VWA2: variants seen among roughly 807,000 people sequenced by gnomAD.
VWA2 encodes the protein von Willebrand factor A domain containing 2.
VWA2 carries 73 observed loss-of-function variants against 70.4 expected under a neutral mutation model. The observed-to-expected ratio is 1.04, with a 90% CI of 0.86 to 1.26. The LOEUF is 1.26. Ranked by LOEUF, VWA2 falls within the 50% of genes most tolerant of loss-of-function variation. The pLI is 0.00. For synonymous variants in VWA2, 407 were observed against 423.3 expected (o/e 0.96, Z 0.47); for missense variants, 1,011 against 998.5 (o/e 1.01, Z -0.17).
Position 114,239,277 on chromosome 10 carries a change from C to G in VWA2, c.-303C>G, listed in dbSNP as rs780640972. On this transcript the variant is annotated 5_prime_UTR_variant, in exon 1 of 14. Coordinates refer to ENST00000392982, the MANE Select transcript of VWA2 (RefSeq NM_001272046.2). ...GCACAGTGTTCGCGGCTGCACCGCT[C>G]GGAGGCTGGGTGACCCGCGTAGAAG... 1.3e-5 allele frequency: 2 copies of G among 152,322 alleles called. No individual in the cohort carries two copies. Among genetic ancestry groups the G allele is most frequent in the Admixed American group, 1.3e-4 (2 of 15,290 alleles). 9.4% of individuals were successfully genotyped at this position (152,322 alleles called of 1,614,324 possible). A position where few individuals can be genotyped will look rare whatever the true frequency, so the allele number is the denominator to read the frequency against.
At chr10:114,254,446 G>A (rs2037276066) in intron 3 of VWA2, among the ~76,000 whole-genome samples, 2 of 152,098 alleles carry the variant, frequency 1.3e-5, no homozygotes, top group Admixed American at 1.3e-4. Flanking sequence ...AGGTAACGGG[G>A]TGGCTACTTG....
At chr10:114,273,009 G>A in intron 6 of VWA2, 75 bp downstream of exon 6, 1 of 1,381,192 alleles carries the variant, frequency 7.2e-7, no homozygotes, top group South Asian at 1.5e-5. Context: ...TGGGAGGGAA[G>A]GGAGGGGACT....
chr10:114,258,548 A>T lies in VWA2; in HGVS notation c.262-2638A>T, dbSNP rs117413125. The stretch of plus-strand genomic sequence containing the variant: ...ATTAAACAAAATGCTTTAACTACTG[A>T]CTTAAGCTGCTTCCTTCTTGTTTTG... On this transcript the variant is annotated intron_variant, in intron 4 of 13. Coordinates refer to ENST00000392982, the MANE Select transcript of VWA2 (RefSeq NM_001272046.2). Among the ~76,000 whole-genome samples the T allele has an allele frequency of 2.0e-5, 3 of 152,322 alleles. No individual in the cohort carries two copies. The East Asian group carries it at 5.8e-4, about 29-fold the overall frequency.
chr10:114,255,037 A>C lies in VWA2; in HGVS notation c.250A>C (p.Ser84Arg). ...AITVCDGLDI[S>R]PERVRVGAFQ... ...CACAGTCTGTGACGGTCTGGACATC[A>C]GCCCCGAGAGGGTGAGTGCAAGTCT... Residue 84 changes from serine (S) to arginine (R), a missense_variant, in exon 4 of 14, where the codon AGC (serine) becomes CGC (arginine). Coordinates refer to ENST00000392982, the MANE Select transcript of VWA2 (RefSeq NM_001272046.2). The C allele has an allele frequency of 4.3e-6, 7 of 1,612,210 alleles. No individual in the cohort carries two copies. The highest frequency in any genetic ancestry group is 5.9e-6 in the Non-Finnish European group (7 of 1,179,896).
In VWA2 at chr10:114,293,830, A is replaced by G. The variant is rs1331869458; in HGVS notation, c.*2593A>G. On this transcript the variant is annotated 3_prime_UTR_variant, in exon 14 of 14. Transcript: ENST00000392982. ...TTGTCTCTTCCTTTCAAAGTTGTAT[A>G]CCACTTCTTTTTCTTGTCATTTTGC... is the stretch of plus-strand genomic sequence containing the variant. 6.6e-6 allele frequency among the ~76,000 whole-genome samples: 1 copy of G among 152,156 alleles called. No individual in the cohort carries two copies. Among genetic ancestry groups the G allele is most frequent in the East Asian group, 1.9e-4 (1 of 5,206 alleles).
At position 114,278,934 on chromosome 10, in the gene VWA2, C is replaced by T. The variant is rs952097605; in HGVS notation, c.833+83C>T. 3.2e-5 allele frequency: 50 copies of T among 1,573,874 alleles called. No homozygotes were observed. In the South Asian group the frequency reaches 5.4e-4, roughly 17 times the overall value. Reference sequence around the variant, plus strand: ...CTGCGGGGAGGATAGTACTTTGGGGCCCTGCCATGGAGATTGTGACAGGGA... The same window carrying T: ...CTGCGGGGAGGATAGTACTTTGGGGTCCTGCCATGGAGATTGTGACAGGGA... On this transcript the variant is annotated intron_variant, in intron 8 of 13. Coordinates refer to ENST00000392982, the MANE Select transcript of VWA2 (RefSeq NM_001272046.2).
intron 5 of VWA2, among the ~76,000 whole-genome samples, chr10:114,262,278 T>C (rs528539989): frequency 6.6e-6 from 1 of 150,630 alleles, no homozygotes; most frequent in Non-Finnish European, 1.5e-5. Flanking sequence ...CATATGTTTT[T>C]ATACACTTAT....
At chr10:114,251,561 G>A (rs1172377803) in intron 2 of VWA2, among the ~76,000 whole-genome samples, 2 of 152,162 alleles carry the variant, frequency 1.3e-5, no homozygotes. Flanking sequence ...GGGGTCTTTA[G>A]GATTCCTCGG....
chr10:114,292,990 AACC>A lies in VWA2; in HGVS notation c.*1756_*1758del. ...CCAAAGTTCTGGGATTACAGGGGTG[AACC>A]ACTGTGCCTGGCCCATTTTTCTTTA... On this transcript the variant is annotated 3_prime_UTR_variant, in exon 14 of 14. Coordinates refer to ENST00000392982, the MANE Select transcript of VWA2 (RefSeq NM_001272046.2). Among the ~76,000 whole-genome samples, 1 of 152,228 alleles carries A rather than the reference AACC, an allele frequency of 6.6e-6. No homozygotes were observed. Among genetic ancestry groups the A allele is most frequent in the South Asian group, 2.1e-4 (1 of 4,828 alleles).
Position 114,278,788 on chromosome 10 carries a change from C to T in VWA2, c.770C>T (p.Ala257Val), listed in dbSNP as rs1264494625. 3.1e-6 allele frequency: 5 copies of T among 1,613,670 alleles called. No homozygotes were observed. The African/African-American group carries it at 5.3e-5, about 17-fold the overall frequency. ...LEMVREFAGN[A>V]PCWRGSRRTL... ...ATGGTCCGGGAGTTCGCTGGCAATG[C>T]CCCATGCTGGAGAGGATCGCGGCGG... The change falls in exon 8 of 14, where the codon GCC (alanine) becomes GTC (valine). Residue 257 changes from alanine (A) to valine (V), a missense_variant. Physicochemically the swap from Ala to Val is moderately conservative, Grantham distance 64. Transcript: ENST00000392982.
intron 2 of VWA2, among the ~76,000 whole-genome samples, chr10:114,250,947 G>A (rs1384207532): frequency 6.6e-6 from 1 of 152,194 alleles, no homozygotes; most frequent in Non-Finnish European, 1.5e-5. Context: ...GGCAGGGGAG[G>A]CCCAGAGAGG....
Position 114,289,204 on chromosome 10 carries a change from G to A in VWA2, c.1837G>A (p.Ala613Thr), listed in dbSNP as rs765498186. The A allele has an allele frequency of 1.2e-5, 19 of 1,613,340 alleles. No individual in the cohort carries two copies. Among genetic ancestry groups the A allele is most frequent in the East Asian group, 6.7e-5 (3 of 44,868 alleles). ...AGGTGGGGTGGGCTCAGCCGGCACC[G>A]CCCTGCTGCACATCTATGACAAAGT... ...YLGGVGSAGTALLHIYDKVMT... is the reference protein window; with the variant it reads ...YLGGVGSAGTTLLHIYDKVMT... The change falls in exon 12 of 14, where the codon GCC (alanine) becomes ACC (threonine). Residue 613 changes from alanine (A) to threonine (T), a missense_variant. Transcript: ENST00000392982.
chr10:114,285,053 G>GTTT, intron 10 of VWA2, 83 bp downstream of exon 10: 1 of 1,159,732 alleles, frequency 8.6e-7, no homozygotes, highest in Non-Finnish European at 1.2e-6. Context: ...CGCCCTTCCA[G>GTTT]CTGCTGGGTA....
At chr10:114,246,984 T>C (rs3851561) in intron 1 of VWA2, among the ~76,000 whole-genome samples, 38,490 of 151,990 alleles carry the variant, frequency 0.25, 5,184 homozygotes, top group African/African-American at 0.33. Context: ...CCGCTGCAGC[T>C]GCCCCCTCAG....
chr10:114,259,687 A>G (rs529755911), intron 4 of VWA2, among the ~76,000 whole-genome samples: 5 of 152,256 alleles, frequency 3.3e-5, no homozygotes, highest in African/African-American at 1.2e-4. Context: ...TTGTCCCAAT[A>G]TCATTGACTG....
intron 1 of VWA2, chr10:114,246,079 C>T (rs547747519): frequency 2.1e-6 from 1 of 470,470 alleles, no homozygotes; most frequent in Non-Finnish European, 4.2e-6. Context: ...GCCCCCCGCC[C>T]AAGATGATTG....
chr10:114,257,053 T>C (rs1489319993), intron 4 of VWA2, among the ~76,000 whole-genome samples: 2 of 152,018 alleles, frequency 1.3e-5, no homozygotes, highest in Non-Finnish European at 2.9e-5. Context: ...AGTTAAAACC[T>C]CTAGGATTTA....
At chr10:114,247,127 C>A (rs1284030775) in intron 1 of VWA2, among the ~76,000 whole-genome samples, 3 of 150,934 alleles carry the variant, frequency 2.0e-5, no homozygotes, top group Non-Finnish European at 4.4e-5. Flanking sequence ...GAGTGTGTCA[C>A]TTATTGGGTT....
intron 6 of VWA2, among the ~76,000 whole-genome samples, chr10:114,276,593 G>T (rs1037418135): frequency 6.6e-5 from 10 of 152,038 alleles, no homozygotes; most frequent in Non-Finnish European, 8.8e-5. Context: ...TGACCTCCTG[G>T]GCTCAAGTGA....
Sources: gnomAD v4.1 joint callset for allele counts (sites outside exome capture counted in the v4.1 genomes callset) on GRCh38, gnomAD v4.1.1 for gene constraint, MANE v1.5 for transcripts, NCBI Gene and HGNC (gene_info 2026-07-23, HGNC 2026-07-21) for gene names.